MALRD1: variants seen among roughly 807,000 people sequenced by gnomAD.
The protein encoded by MALRD1 is MAM and LDL-receptor class A domain-containing protein 1.
Under a neutral mutation model 242.1 loss-of-function variants are expected in MALRD1, and 247 were observed. The observed-to-expected ratio is 1.02, with a 90% CI of 0.92 to 1.13. MALRD1 has a LOEUF of 1.13. Among genes scored for constraint, MALRD1 ranks in the 50% most tolerant of loss-of-function variants. The probability of loss-of-function intolerance (pLI) is 0.00; values close to 1 mark genes in which losing one functional copy is unlikely to be tolerated. For synonymous variants in MALRD1, 995 were observed against 866.6 expected (o/e 1.15, Z -2.60); for missense variants, 2,989 against 2,533.1 (o/e 1.18, Z -3.86).
At chr10:19,231,299 T>G (rs980847986) in intron 18 of MALRD1, among the ~76,000 whole-genome samples, 5 of 152,158 alleles carry the variant, frequency 3.3e-5, no homozygotes, top group African/African-American at 1.2e-4. Context: ...CAATTCAGCT[T>G]TTTCCCCACA....
chr10:19,400,716 G>A (rs1564308198), intron 28 of MALRD1, among the ~76,000 whole-genome samples: 1 of 151,942 alleles, frequency 6.6e-6, no homozygotes, highest in Non-Finnish European at 1.5e-5. Context: ...AGTAGAATTT[G>A]GAAAAATAGA....
chr10:19,605,950 G>A (rs1838597970), intron 34 of MALRD1, among the ~76,000 whole-genome samples: 1 of 151,932 alleles, frequency 6.6e-6, no homozygotes. Flanking sequence ...TTTGTGAATT[G>A]ATATTCTAGC....
intron 14 of MALRD1, among the ~76,000 whole-genome samples, chr10:19,188,172 G>T (rs747491986): frequency 6.6e-6 from 1 of 152,142 alleles, no homozygotes; most frequent in Non-Finnish European, 1.5e-5. Flanking sequence ...CACTGTGTTT[G>T]CTACATTGAA....
intron 32 of MALRD1, among the ~76,000 whole-genome samples, chr10:19,552,144 T>G (rs1173424482): frequency 6.6e-6 from 1 of 152,142 alleles, no homozygotes. Context: ...TTCAATTTTT[T>G]TGTATAGTTT....
At chr10:19,684,876 T>A (rs1842514800) in intron 36 of MALRD1, among the ~76,000 whole-genome samples, 1 of 152,194 alleles carries the variant, frequency 6.6e-6, no homozygotes, top group Non-Finnish European at 1.5e-5. Flanking sequence ...GAATTTTTCT[T>A]CCACATCCTT....
intron 38 of MALRD1, among the ~76,000 whole-genome samples, chr10:19,729,927 C>T (rs1161067813): frequency 6.6e-6 from 1 of 151,176 alleles, no homozygotes; most frequent in Non-Finnish European, 1.5e-5. Flanking sequence ...TCAGTAGAGA[C>T]GGGGTTTCAC....
chr10:19,464,266 G>T (rs919985074), intron 29 of MALRD1, among the ~76,000 whole-genome samples: 6 of 152,040 alleles, frequency 3.9e-5, no homozygotes, highest in African/African-American at 1.4e-4. Flanking sequence ...TTGGGTTCTT[G>T]GTCGTGAAGT....
intron 32 of MALRD1, among the ~76,000 whole-genome samples, chr10:19,566,272 C>T (rs1043510563): frequency 2.0e-5 from 3 of 150,508 alleles, no homozygotes; most frequent in East Asian, 3.9e-4. Flanking sequence ...GCTGGGACTA[C>T]GGGCACCTGC....
intron 21 of MALRD1, among the ~76,000 whole-genome samples, chr10:19,286,920 A>G (rs1841154485): frequency 6.6e-6 from 1 of 151,194 alleles, no homozygotes; most frequent in Non-Finnish European, 1.5e-5. Flanking sequence ...AAAAATCCTC[A>G]ATAAAATACT....
intron 14 of MALRD1, among the ~76,000 whole-genome samples, chr10:19,191,412 C>T (rs903332808): frequency 1.3e-5 from 2 of 152,106 alleles, no homozygotes; most frequent in African/African-American, 4.8e-5. Flanking sequence ...AATGGCATAG[C>T]TACTGTGGAA....
chr10:19,259,843 T>C (rs1839669908), intron 19 of MALRD1, among the ~76,000 whole-genome samples: 1 of 152,192 alleles, frequency 6.6e-6, no homozygotes, highest in Non-Finnish European at 1.5e-5. Flanking sequence ...ACAGTTTCTT[T>C]CTTATCTGGC....
chr10:19,574,576 TAGAA>T (rs1489667667), intron 33 of MALRD1, among the ~76,000 whole-genome samples: 3 of 152,148 alleles, frequency 2.0e-5, no homozygotes, highest in Admixed American at 6.6e-5. Context: ...TATCAAGTGA[TAGAA>T]AGAGAACCAC....
intron 36 of MALRD1, among the ~76,000 whole-genome samples, chr10:19,645,767 T>C (rs967348556): frequency 2.0e-5 from 3 of 152,086 alleles, no homozygotes; most frequent in Non-Finnish European, 2.9e-5. Context: ...TTTGGAGATA[T>C]ACCTAATGCT....
At chr10:19,394,779 T>C (rs920772160) in intron 28 of MALRD1, among the ~76,000 whole-genome samples, 1 of 152,252 alleles carries the variant, frequency 6.6e-6, no homozygotes, top group African/African-American at 2.4e-5. Flanking sequence ...TTTTGGATTT[T>C]AGAGCATTTC....
chr10:19,583,871 G>A (rs1426100435), intron 33 of MALRD1, among the ~76,000 whole-genome samples: 4 of 152,040 alleles, frequency 2.6e-5, no homozygotes, highest in Non-Finnish European at 5.9e-5. Flanking sequence ...TTTTTGGTTG[G>A]TAAGCTATTG....
intron 26 of MALRD1, among the ~76,000 whole-genome samples, chr10:19,366,237 C>T (rs753259959): frequency 5.3e-5 from 8 of 151,718 alleles, no homozygotes; most frequent in East Asian, 1.9e-4. Context: ...TGGTCCCATC[C>T]GGGGGTGATG....
chr10:19,538,834 A>G (rs2131370316), intron 32 of MALRD1, among the ~76,000 whole-genome samples: 1 of 152,236 alleles, frequency 6.6e-6, no homozygotes, highest in East Asian at 1.9e-4. Flanking sequence ...ATCACAGATA[A>G]GTTTATATAT....
chr10:19,558,603 T>C (rs1403533001), intron 32 of MALRD1, among the ~76,000 whole-genome samples: 1 of 152,220 alleles, frequency 6.6e-6, no homozygotes, highest in East Asian at 1.9e-4. Flanking sequence ...CATGGTATAT[T>C]ATTCTTTTCT....
chr10:19,443,770 TGTG>T (rs1252946133), intron 28 of MALRD1, among the ~76,000 whole-genome samples: 6 of 152,244 alleles, frequency 3.9e-5, no homozygotes, highest in Non-Finnish European at 8.8e-5. Flanking sequence ...ATAAGTGTGA[TGTG>T]GTGCTGAGAA....
Sources: gnomAD v4.1 joint callset for allele counts (sites outside exome capture counted in the v4.1 genomes callset) on GRCh38, gnomAD v4.1.1 for gene constraint, MANE v1.5 for transcripts, NCBI Gene and HGNC (gene_info 2026-07-23, HGNC 2026-07-21) for gene names.